HIC1: variants seen among roughly 807,000 people sequenced by gnomAD.
HIC1 encodes the protein hypermethylated in cancer 1 protein.
Under a neutral mutation model 26.4 loss-of-function variants are expected in HIC1, and 9 were observed. That is an observed-to-expected ratio of 0.34 (90% confidence interval 0.21 to 0.59). The LOEUF (loss-of-function observed/expected upper bound fraction) is 0.59. HIC1 is among the 20% of genes least tolerant of loss of function. The pLI is 0.82. For synonymous variants in HIC1, 631 were observed against 523.1 expected, an observed-to-expected ratio of 1.21 and a Z score of -2.81; for missense variants, 965 against 1,075.7, an observed-to-expected ratio of 0.90 and a Z score of 1.44.
chr17:2,056,569 G>C (rs1017542658), intron 1 of HIC1, 102 bp from the exon 2 acceptor site: 30 of 1,430,908 alleles, frequency 2.1e-5, no homozygotes, highest in Non-Finnish European at 2.8e-5. Flanking sequence ...TGATGCCCCC[G>C]CTCAGCTGAG....
rs867128800 is a variant in HIC1, at chr17:2,057,658, G to A, written c.968G>A (p.Gly323Asp). ...CACGAGCCGGGCCTGGGTAGCTATG[G>A]CGACGAGCTGGGCCGGGAGCGCGGC... ...MKHEPGLGSY[G>D]DELGRERGSP... The change falls in exon 2 of 2, where the codon GGC becomes GAC. Residue 323 changes from glycine (G) to aspartate (D), a missense_variant. Gly to Asp is a moderately conservative substitution (Grantham distance 94). Coordinates refer to ENST00000619757, the MANE Select transcript of HIC1 (RefSeq NM_006497.4). 6.6e-7 allele frequency: 1 copy of A among 1,514,978 alleles called. No individual in the cohort carries two copies. Among genetic ancestry groups the A allele is most frequent in the Non-Finnish European group, 8.8e-7 (1 of 1,139,260 alleles). 93.8% of individuals were successfully genotyped at this position (1,514,978 alleles called of 1,614,324 possible). A position where few individuals can be genotyped will look rare whatever the true frequency, so the allele number is the denominator to read the frequency against.
chr17:2,056,800 C>T lies in HIC1; in HGVS notation c.110C>T (p.Ala37Val), dbSNP rs200866682. The T allele has an allele frequency of 8.9e-5, 144 of 1,612,802 alleles. 5 individuals carry two copies. The South Asian group carries it at 9.6e-4, about 11-fold the overall frequency. The change falls in exon 2 of 2, where the codon GCC becomes GTC. Residue 37 changes from alanine (A) to valine (V), a missense_variant. Physicochemically the swap from Ala to Val is moderately conservative, Grantham distance 64. Around this residue, in one of 6 missense-constraint regions of HIC1, gnomAD observed 64 missense variants for 114.0 expected, o/e 0.56. Transcript: ENST00000619757. Reference protein sequence around the residue: ...LCDVIIVVQNALFRAHKNVLA... With the variant: ...LCDVIIVVQNVLFRAHKNVLA... ...GACGTGATCATCGTGGTGCAGAACG[C>T]CCTCTTCCGCGCGCACAAGAACGTG... is the stretch of plus-strand genomic sequence containing the variant.
rs1172726049 is a variant in HIC1, at chr17:2,059,008, C to CG, written c.*178dup. On this transcript the variant is annotated 3_prime_UTR_variant, in exon 2 of 2. Coordinates refer to ENST00000619757, the MANE Select transcript of HIC1 (RefSeq NM_006497.4). ...GGCCTCACTGCTTCGTGCCTTAGCTCGGGGGTCGGGGGAGAACCCCGGGAC... is the reference window on the plus strand; with the variant it reads ...GGCCTCACTGCTTCGTGCCTTAGCTCGGGGGGTCGGGGGAGAACCCCGGGAC... The CG allele has an allele frequency of 2.0e-6, 1 of 495,854 alleles. No individual in the cohort carries two copies. The highest frequency in any genetic ancestry group is 3.4e-6 in the Non-Finnish European group (1 of 291,166). The allele number at this position is 495,854 out of a possible 1,614,324, so 30.7% of individuals were successfully genotyped here.
At position 2,057,423 on chromosome 17, in the gene HIC1, C is replaced by A; in HGVS notation, c.733C>A (p.Leu245Met). 1 of 1,436,920 alleles carries A rather than the reference C, an allele frequency of 7.0e-7. No homozygotes were observed. Among genetic ancestry groups the A allele is most frequent in the South Asian group, 1.4e-5 (1 of 73,292 alleles). The allele number at this position is 1,436,920 out of a possible 1,614,324, so 89.0% of individuals were successfully genotyped here. Residue 245 changes from leucine (L) to methionine (M), a missense_variant, in exon 2 of 2, where the codon CTG becomes ATG. Physicochemically the swap from Leu to Met is conservative, Grantham distance 15. Around this residue, in one of 6 missense-constraint regions of HIC1, gnomAD observed 526 missense variants for 525.0 expected, o/e 1.00. Coordinates refer to ENST00000619757, the MANE Select transcript of HIC1 (RefSeq NM_006497.4). ...AGAGCGGCCGCTGGCTGAGCGCGAGCTGCCCCCGCGCCCGGACAGCCCTCC... is the reference window on the plus strand; with the variant it reads ...AGAGCGGCCGCTGGCTGAGCGCGAGATGCCCCCGCGCCCGGACAGCCCTCC... ...APERPLAERE[L>M]PPRPDSPPSA...
Position 2,058,554 on chromosome 17 carries a change from G to A in HIC1, c.1864G>A (p.Gly622Ser). 1.9e-6 allele frequency: 3 copies of A among 1,542,264 alleles called. No homozygotes were observed. The highest frequency in any genetic ancestry group is 2.6e-6 in the Non-Finnish European group (3 of 1,151,626). ...LPGVPGPDGKGKLDFPEGVFA... is the reference protein window; with the variant it reads ...LPGVPGPDGKSKLDFPEGVFA... ...CGGCGTCCCCGGCCCCGACGGCAAG[G>A]GCAAGCTCGACTTCCCCGAGGGCGT... Residue 622 changes from glycine (G) to serine (S), a missense_variant, in exon 2 of 2, where the codon GGC becomes AGC. By Grantham distance (56) the Gly-to-Ser change is moderately conservative. Transcript: ENST00000619757.
chr17:2,056,979 G>A lies in HIC1; in HGVS notation c.289G>A (p.Ala97Thr), dbSNP rs1325649654. 1.9e-6 allele frequency: 3 copies of A among 1,571,600 alleles called. No individual in the cohort carries two copies. The highest frequency in any genetic ancestry group is 2.6e-6 in the Non-Finnish European group (3 of 1,161,384). ...TGACGGCGCAGAGGCGGCTGCGGCC[G>A]CGGCCGTGGCCCCGGGGGCTGAGCC... ...LADGAEAAAA[A>T]AVAPGAEPSL... is the part of the protein sequence containing the mutation. The change falls in exon 2 of 2, where the codon GCG becomes ACG. Residue 97 changes from alanine to threonine, a missense_variant. This residue lies in a region of HIC1 where 526 missense variants were observed against 525.0 expected (regional missense o/e 1.00). Coordinates refer to ENST00000619757, the MANE Select transcript of HIC1 (RefSeq NM_006497.4).
chr17:2,058,175 G>A lies in HIC1; in HGVS notation c.1485G>A (p.Lys495=), dbSNP rs1198649856. 3 of 1,610,536 alleles carry A rather than the reference G, an allele frequency of 1.9e-6. No individual in the cohort carries two copies. Among genetic ancestry groups the A allele is most frequent in the Admixed American group, 1.7e-5 (1 of 59,988 alleles). Residue 495 remains lysine (K), a synonymous_variant, in exon 2 of 2, where the codon AAG becomes AAA. Transcript: ENST00000619757. ...CCTACCGCTGCGCGTCGTGCGACAA[G>A]AGCTACAAGGACCCGGCCACGCTGC... The part of the protein sequence containing the change: ...LRPYRCASCD[K]SYKDPATLRQ...
At position 2,061,573 on chromosome 17, in the gene HIC1, C is replaced by G; in HGVS notation, c.*2738C>G. 6.4e-7 allele frequency: 1 copy of G among 1,572,522 alleles called. No individual in the cohort carries two copies. ...TTGTGAGCGCCTTCACACGCAGGTT[C>G]CGGTCATCCGTCAACAGCACCACCT... On this transcript the variant is annotated 3_prime_UTR_variant, in exon 2 of 2. Transcript: ENST00000619757.
chr17:2,058,748 CGACAAG>C lies in HIC1; in HGVS notation c.2060_2065del (p.Asp687_Lys688del). 1.3e-6 allele frequency: 2 copies of C among 1,526,634 alleles called. No homozygotes were observed. The highest frequency in any genetic ancestry group is 1.8e-6 in the Non-Finnish European group (2 of 1,141,252). The allele number at this position is 1,526,634 out of a possible 1,614,324, so 94.6% of individuals were successfully genotyped here. ...TCACGGCCGAGCTGGGCCTCAGCCCCGACAAGGCGGCCGAGGTGCTGAGCCAGGGCG... is the reference window on the plus strand; with the variant it reads ...TCACGGCCGAGCTGGGCCTCAGCCCCGCGGCCGAGGTGCTGAGCCAGGGCG... On this transcript the variant is annotated inframe_deletion, in exon 2 of 2. Coordinates refer to ENST00000619757, the MANE Select transcript of HIC1 (RefSeq NM_006497.4).
In HIC1 at chr17:2,061,911, A is replaced by C; in HGVS notation, c.*3076A>C. 2.8e-6 allele frequency: 1 copy of C among 357,016 alleles called. No homozygotes were observed. The allele number at this position is 357,016 out of a possible 1,614,324, so 22.1% of individuals were successfully genotyped here. ...AACCCGTCAGCCTCCCAGGACCCTA[A>C]ACTGAGGGAATAGAAGCAGCCCCTT... On this transcript the variant is annotated 3_prime_UTR_variant, in exon 2 of 2. Transcript: ENST00000619757.
chr17:2,058,673 C>G lies in HIC1; in HGVS notation c.1983C>G (p.Phe661Leu). Residue 661 changes from phenylalanine (F) to leucine (L), a missense_variant, in exon 2 of 2, where the codon TTC becomes TTG. Phe to Leu is a conservative substitution (Grantham distance 22). Around this residue, in one of 6 missense-constraint regions of HIC1, gnomAD observed 210 missense variants for 179.2 expected, o/e 1.17. Transcript: ENST00000619757. ...AGCTGCTGGCGCAGACCACGCACTT[C>G]CTGCACGACCCCAAGGTGGCGCTGG... Reference protein sequence around the residue: ...AAELLAQTTHFLHDPKVALES... With the variant: ...AAELLAQTTHLLHDPKVALES... The G allele has an allele frequency of 6.4e-7, 1 of 1,559,024 alleles. No homozygotes were observed. Among genetic ancestry groups the G allele is most frequent in the East Asian group, 2.4e-5 (1 of 41,316 alleles).
At chr17:2,056,176 G>C (rs2067670551) in intron 1 of HIC1, 3 of 759,058 alleles carry the variant, frequency 4.0e-6, no homozygotes. Flanking sequence ...CCCCCGGCCA[G>C]GGCGGCGCCA....
rs767325706 is a variant in HIC1 at position 2,057,140 on chromosome 17, G to A, written c.450G>A (p.Ala150=). The A allele has an allele frequency of 7.7e-7, 1 of 1,301,520 alleles. No individual in the cohort carries two copies. The highest frequency in any genetic ancestry group is 1.6e-5 in the African/African-American group (1 of 64,258). The allele number at this position is 1,301,520 out of a possible 1,614,324, so 80.6% of individuals were successfully genotyped here. A position where few individuals can be genotyped will look rare whatever the true frequency, so the allele number is the denominator to read the frequency against. Residue 150 remains alanine (A), a synonymous_variant, in exon 2 of 2, where the codon GCG becomes GCA. Coordinates refer to ENST00000619757, the MANE Select transcript of HIC1 (RefSeq NM_006497.4). ...RGGGGGGGGY[A]PYGRPGRGLR... is the part of the protein sequence containing the mutation. The stretch of plus-strand genomic sequence containing the variant: ...GCGGCGGCGGCGGCGGCGGCTACGC[G>A]CCCTATGGTCGGCCGGGCCGGGGCC...
In HIC1 at chr17:2,058,616, C is replaced by A; in HGVS notation, c.1926C>A (p.Ser642Arg). ...AVARLTAEQL[S>R]LKQQDKAAAA... ...CTCGCCTCACGGCCGAGCAGCTGAG[C>A]CTGAAGCAGCAGGACAAGGCGGCCG... Residue 642 changes from serine (S) to arginine (R), a missense_variant, in exon 2 of 2, where the codon AGC (serine) becomes AGA (arginine). Coordinates refer to ENST00000619757, the MANE Select transcript of HIC1 (RefSeq NM_006497.4). The A allele has an allele frequency of 6.4e-7, 1 of 1,560,728 alleles. No individual in the cohort carries two copies. The highest frequency in any genetic ancestry group is 8.6e-7 in the Non-Finnish European group (1 of 1,160,948).
Position 2,061,334 on chromosome 17 carries a change from G to T in HIC1, c.*2499G>T. The T allele has an allele frequency of 1.4e-6, 1 of 708,138 alleles. No individual in the cohort carries two copies. Among genetic ancestry groups the T allele is most frequent in the Non-Finnish European group, 2.3e-6 (1 of 435,728 alleles). 43.9% of individuals were successfully genotyped at this position (708,138 alleles called of 1,614,324 possible). On this transcript the variant is annotated 3_prime_UTR_variant, in exon 2 of 2. Transcript: ENST00000619757. ...CTTGGGAGGGGCTCTGTGAGGAGCA[G>T]GTCCCCCACAGCATGGCCGTGGCGT... is the stretch of plus-strand genomic sequence containing the variant.
rs1490475840 is a variant in HIC1 at position 2,059,383 on chromosome 17, A to T, written c.*548A>T. ...ATTTTGCACAAGTGGCACTAGCCCC[A>T]GGGCCAACCCTTCCTTCCTCAGTCA... On this transcript the variant is annotated 3_prime_UTR_variant, in exon 2 of 2. Transcript: ENST00000619757. The T allele has an allele frequency of 1.9e-4, 27 of 140,320 alleles. No homozygotes were observed. Among genetic ancestry groups the T allele is most frequent in the Non-Finnish European group, 4.0e-4 (25 of 62,498 alleles). 8.7% of individuals were successfully genotyped at this position (140,320 alleles called of 1,614,324 possible).
In HIC1 at chr17:2,057,396, C is replaced by T. The variant is rs994792799; in HGVS notation, c.706C>T (p.Pro236Ser). 1 of 1,436,602 alleles carries T rather than the reference C, an allele frequency of 7.0e-7. No individual in the cohort carries two copies. Among genetic ancestry groups the T allele is most frequent in the Admixed American group, 2.9e-5 (1 of 34,568 alleles). 89.0% of individuals were successfully genotyped at this position (1,436,602 alleles called of 1,614,324 possible). A position where few individuals can be genotyped will look rare whatever the true frequency, so the allele number is the denominator to read the frequency against. Reference sequence around the variant, plus strand: ...GAAGAGCCCGCCGGGCTCCGCGGCGCCAGAGCGGCCGCTGGCTGAGCGCGA... The same window carrying T: ...GAAGAGCCCGCCGGGCTCCGCGGCGTCAGAGCGGCCGCTGGCTGAGCGCGA... ...SKKSPPGSAA[P>S]ERPLAERELP... The change falls in exon 2 of 2, where the codon CCA becomes TCA. Residue 236 changes from proline (P) to serine (S), a missense_variant. Physicochemically the swap from Pro to Ser is moderately conservative, Grantham distance 74. Transcript: ENST00000619757.
rs772938021 is a variant in HIC1 at position 2,058,170 on chromosome 17, G to A, written c.1480G>A (p.Asp494Asn). 21 of 1,610,158 alleles carry A rather than the reference G, an allele frequency of 1.3e-5. No individual in the cohort carries two copies. The South Asian group carries it at 2.3e-4, about 18-fold the overall frequency. ...GCGGCCCTACCGCTGCGCGTCGTGC[G>A]ACAAGAGCTACAAGGACCCGGCCAC... ...LLRPYRCASCDKSYKDPATLR... is the reference protein window; with the variant it reads ...LLRPYRCASCNKSYKDPATLR... The change falls in exon 2 of 2, where the codon GAC (aspartate) becomes AAC (asparagine). Residue 494 changes from aspartate (D) to asparagine (N), a missense_variant. By Grantham distance (23) the Asp-to-Asn change is conservative. This residue lies in a region of HIC1 where 105 missense variants were observed against 101.4 expected (regional missense o/e 1.04). Transcript: ENST00000619757.
In HIC1 at chr17:2,061,361, G is replaced by A; in HGVS notation, c.*2526G>A. The A allele has an allele frequency of 1.1e-6, 1 of 904,866 alleles. No individual in the cohort carries two copies. The highest frequency in any genetic ancestry group is 1.7e-6 in the Non-Finnish European group (1 of 605,090). 56.1% of individuals were successfully genotyped at this position (904,866 alleles called of 1,614,324 possible). On this transcript the variant is annotated 3_prime_UTR_variant, in exon 2 of 2. Transcript: ENST00000619757. ...TCCCCCACAGCATGGCCGTGGCGTG[G>A]GTTGGAAGAGGATGGTTTATTGTCT...
Sources: allele counts gnomAD v4.1 joint callset, GRCh38; gene constraint gnomAD v4.1.1; regional missense constraint gnomAD v4.1.1; transcripts MANE v1.5; gene names NCBI Gene and HGNC (gene_info 2026-07-23, HGNC 2026-07-21).